Variants in CFAP61 observed in about 807,000 individuals in gnomAD.
CFAP61 encodes the protein cilia- and flagella-associated protein 61.
Under a neutral mutation model 135.6 loss-of-function variants are expected in CFAP61, and 107 were observed. That is an observed-to-expected ratio of 0.79 (90% CI 0.67 to 0.93). The LOEUF is 0.93. Among genes scored for constraint, CFAP61 ranks in the 40% least tolerant of loss-of-function variants. The pLI, the probability that CFAP61 is intolerant of heterozygous loss-of-function variation, is 0.00. For missense variants in CFAP61, 1,507 were observed against 1,556.2 expected (o/e 0.97, Z 0.53); for synonymous variants, 575 against 578.5 (o/e 0.99, Z 0.09).
At chr20:20,258,192 G>T (rs1036891304) in intron 20 of CFAP61, among the ~76,000 whole-genome samples, 3 of 151,998 alleles carry the variant, frequency 2.0e-5, no homozygotes, top group Non-Finnish European at 4.4e-5. Flanking sequence ...ATAAGAAGAT[G>T]GTTCAAAGTG....
At chr20:20,225,409 T>TA (rs1327641315) in intron 17 of CFAP61, 3 of 152,274 alleles carry the variant, frequency 2.0e-5, no homozygotes, top group Non-Finnish European at 4.4e-5. Context: ...CCACCATCAT[T>TA]GGTACTGGTT....
rs1205807669 is a variant in CFAP61, at chr20:20,356,574, AGGGGAGGTGGTCACACT to A, written c.3514-3617_3514-3601del. Reference sequence around the variant, plus strand: ...ACTGAGGGGAGGTGGTCATAGTGTGAGGGGAGGTGGTCACACTGGGGAGGTGGTCACACTGTGAGGGG... The same window carrying A: ...ACTGAGGGGAGGTGGTCATAGTGTGAGGGGAGGTGGTCACACTGTGAGGGG... On this transcript the variant is annotated intron_variant, in intron 26 of 26. Transcript: ENST00000245957. Among the ~76,000 whole-genome samples the A allele has an allele frequency of 2.3e-3, 125 of 53,474 alleles. 12 individuals carry two copies. The highest frequency in any genetic ancestry group is 0.01 in the East Asian group (14 of 1,352). 35.1% of individuals were successfully genotyped at this position (53,474 alleles called of 152,430 possible).
chr20:20,176,922 G>A (rs1489481937), intron 13 of CFAP61, among the ~76,000 whole-genome samples: 1 of 152,052 alleles, frequency 6.6e-6, no homozygotes, highest in Non-Finnish European at 1.5e-5. Flanking sequence ...TCCAAATACA[G>A]ATTTTCTATA....
chr20:20,056,092 C>T, intron 1 of CFAP61: 1 of 1,052,646 alleles, frequency 9.5e-7, no homozygotes, highest in Non-Finnish European at 1.4e-6. Flanking sequence ...TGGAACCTCT[C>T]AAAGATGTTA....
intron 18 of CFAP61, among the ~76,000 whole-genome samples, chr20:20,243,759 A>G (rs1428048779): frequency 6.6e-6 from 1 of 152,164 alleles, no homozygotes; most frequent in East Asian, 1.9e-4. Context: ...AAATCATTAT[A>G]GCATTAACTC....
intron 26 of CFAP61, among the ~76,000 whole-genome samples, chr20:20,356,173 T>A: frequency 8.4e-6 from 1 of 119,412 alleles, no homozygotes. Flanking sequence ...GTGGTCACAC[T>A]GAGGGGGGGT....
chr20:20,237,174 A>G (rs1315658418), intron 18 of CFAP61, among the ~76,000 whole-genome samples: 1 of 152,158 alleles, frequency 6.6e-6, no homozygotes, highest in Non-Finnish European at 1.5e-5. Context: ...ACTTCTACCT[A>G]GCCCCTTATC....
rs756999133 is a variant in CFAP61, at chr20:20,246,123, CATGAAGTTT to C, written c.2069_2077del (p.Met690_Phe692del). The stretch of plus-strand genomic sequence containing the variant: ...CATTTTTCTTTTTCTTTAGCTCTCA[CATGAAGTTT>C]AATAATCTTACCCTGATTTCAACTC... On this transcript the variant is annotated inframe_deletion, in exon 19 of 27. Coordinates refer to ENST00000245957, the MANE Select transcript of CFAP61 (RefSeq NM_015585.4). The C allele has an allele frequency of 5.0e-6, 8 of 1,603,508 alleles. No homozygotes were observed. The highest frequency in any genetic ancestry group is 1.3e-5 in the African/African-American group (1 of 74,562).
chr20:20,134,598 G>A (rs2050781440), intron 8 of CFAP61, among the ~76,000 whole-genome samples: 1 of 152,156 alleles, frequency 6.6e-6, no homozygotes, highest in South Asian at 2.1e-4. Flanking sequence ...GATGAGGAGG[G>A]ATTGAACCAG....
intron 18 of CFAP61, among the ~76,000 whole-genome samples, chr20:20,240,669 T>C (rs946797098): frequency 8.5e-5 from 13 of 152,258 alleles, no homozygotes; most frequent in Admixed American, 3.3e-4. Context: ...AGACTTCTAA[T>C]TGCCTCCCAG....
intron 8 of CFAP61, among the ~76,000 whole-genome samples, chr20:20,123,624 A>ATCATGCTGTTTTGGTGACTC (rs1381027731): frequency 4.0e-5 from 6 of 151,664 alleles, no homozygotes; most frequent in Non-Finnish European, 8.8e-5. Flanking sequence ...TTATACCAGT[A>ATCATGCTGTTTTGGTGACTC]TCATGCTGTT....
chr20:20,172,321 A>G (rs1316581684), intron 13 of CFAP61: 6 of 859,388 alleles, frequency 7.0e-6, no homozygotes, highest in Admixed American at 1.7e-4. Flanking sequence ...TAATTAATAA[A>G]CTTTTTTTTT....
rs1602202870 is a variant in CFAP61 at position 20,359,071 on chromosome 20, G to A, written c.3514-1139G>A. 6.6e-6 allele frequency among the ~76,000 whole-genome samples: 1 copy of A among 152,176 alleles called. No homozygotes were observed. The highest frequency in any genetic ancestry group is 2.4e-5 in the African/African-American group (1 of 41,452). ...TTAACTGTGGAGTCCAGGTGCAGGT[G>A]TGCAGGTGTTCAGTGGACAATTCTT... On this transcript the variant is annotated intron_variant, in intron 26 of 26. Transcript: ENST00000245957. This position sits in a 1 kb window ranked among gnomAD's most constrained non-coding sequence, Gnocchi z 4.0.
Position 20,152,329 on chromosome 20 carries a change from C to T in CFAP61, c.952-7041C>T, listed in dbSNP as rs569811631. On this transcript the variant is annotated intron_variant, in intron 9 of 26. Transcript: ENST00000245957. ...ATGAAAAAAAAAACACCAAAGTATT[C>T]AGGCAACAACTAGCATGTTGAATAA... is the stretch of plus-strand genomic sequence containing the variant. 4.6e-5 allele frequency among the ~76,000 whole-genome samples: 7 copies of T among 151,828 alleles called. No homozygotes were observed. In the South Asian group the frequency reaches 1.5e-3, roughly 32 times the overall value.
chr20:20,088,296 A>G lies in CFAP61; in HGVS notation c.567-2548A>G, dbSNP rs530564132. 5.9e-5 allele frequency among the ~76,000 whole-genome samples: 9 copies of G among 152,288 alleles called. No homozygotes were observed. The South Asian group carries it at 1.9e-3, about 32-fold the overall frequency. ...GTTTTGACAAGAGGTGTATTAGTCC[A>G]TTCTCACACTACTATAAGGACATAC... On this transcript the variant is annotated intron_variant, in intron 6 of 26. Coordinates refer to ENST00000245957, the MANE Select transcript of CFAP61 (RefSeq NM_015585.4).
At position 20,302,144 on chromosome 20, in the gene CFAP61, G is replaced by C. The variant is rs552118675; in HGVS notation, c.3422+3758G>C. ...CAAGATGCTTTATATTATTTTTTCT[G>C]TTTTAAATGTCATTTTTTATGAATT... On this transcript the variant is annotated intron_variant, in intron 25 of 26. Transcript: ENST00000245957. 5.1e-4 allele frequency among the ~76,000 whole-genome samples: 78 copies of C among 152,182 alleles called. 1 individual carries two copies. Among genetic ancestry groups the C allele is most frequent in the African/African-American group, 1.9e-3 (77 of 41,524 alleles).
intron 8 of CFAP61, among the ~76,000 whole-genome samples, chr20:20,134,482 A>G (rs2050772360): frequency 1.3e-5 from 2 of 152,186 alleles, no homozygotes; most frequent in African/African-American, 4.8e-5. Flanking sequence ...TACATCGGTC[A>G]TATGTGATGA....
At chr20:20,082,549 G>A (rs1244300668) in intron 6 of CFAP61, among the ~76,000 whole-genome samples, 1 of 152,144 alleles carries the variant, frequency 6.6e-6, no homozygotes, top group East Asian at 1.9e-4. Context: ...GAAACTACTG[G>A]CATGCTCTTT....
chr20:20,219,780 T>TA (rs1446871849), intron 17 of CFAP61, among the ~76,000 whole-genome samples: 1 of 152,252 alleles, frequency 6.6e-6, no homozygotes, highest in East Asian at 1.9e-4. Flanking sequence ...ATGTGTATTA[T>TA]AAACTTATAT....
Sources: allele counts gnomAD v4.1 joint callset (sites outside exome capture counted in the v4.1 genomes callset), GRCh38; gene constraint gnomAD v4.1.1; non-coding constraint Gnocchi (gnomAD v3.1); transcripts MANE v1.5; gene names NCBI Gene and HGNC (gene_info 2026-07-23, HGNC 2026-07-21).